The following NCOA2 variants were observed in gnomAD, a reference collection of about 807,000 sequenced individuals.
NCOA2 encodes nuclear receptor coactivator 2.
In NCOA2, 21 loss-of-function variants were observed where a neutral mutation model predicts 145.1. The ratio of observed to expected loss-of-function variants is 0.14; its 90% confidence interval spans 0.10 to 0.21. The LOEUF (loss-of-function observed/expected upper bound fraction) is 0.21. NCOA2 is among the 10% of genes least tolerant of loss of function. NCOA2 has a pLI of 1.00. For missense variants in NCOA2, 1,472 were observed against 1,837.6 expected, an observed-to-expected ratio of 0.80 and a Z score of 3.64; for synonymous variants, 619 against 637.5, an observed-to-expected ratio of 0.97 and a Z score of 0.44.
intron 1 of NCOA2, among the ~76,000 whole-genome samples, chr8:70,349,603 C>T (rs1180695446): frequency 6.6e-6 from 1 of 152,022 alleles, no homozygotes; most frequent in African/African-American, 2.4e-5. Flanking sequence ...TTTGAGTGGT[C>T]TCCAGTCACA....
rs78152250 is a variant in NCOA2 at position 70,172,117 on chromosome 8, C to T, written c.364-1738G>A. 8.4e-3 allele frequency among the ~76,000 whole-genome samples: 1,281 copies of T among 152,214 alleles called. 21 individuals are homozygous for T. Among genetic ancestry groups the T allele is most frequent in the Non-Finnish European group, 0.01 (696 of 68,016 alleles). On this transcript the variant is annotated intron_variant, in intron 5 of 22. Coordinates refer to ENST00000452400, the MANE Select transcript of NCOA2 (RefSeq NM_006540.4). ...GTGAAATTACAGGCATGAGCCAGTG[C>T]GCCAGTCTTTTTAAATTTTCTGTAG...
the NCOA2 span, among the ~76,000 whole-genome samples, chr8:70,439,836 C>T: frequency 6.6e-6 from 1 of 152,164 alleles, no homozygotes; most frequent in Non-Finnish European, 1.5e-5. Flanking sequence ...CAGGGCTGCC[C>T]CTGTCAGAGG....
intron 10 of NCOA2, among the ~76,000 whole-genome samples, chr8:70,159,240 A>ATTTTTTTTT (rs1342064441): frequency 3.2e-5 from 3 of 92,960 alleles, no homozygotes; most frequent in Admixed American, 1.1e-4. Flanking sequence ...ATATATATAT[A>ATTTTTTTTT]TATTTTTTTT....
intron 1 of NCOA2, among the ~76,000 whole-genome samples, chr8:70,379,549 C>A (rs1811997035): frequency 6.6e-6 from 1 of 152,162 alleles, no homozygotes; most frequent in South Asian, 2.1e-4. Flanking sequence ...CATGTTGTCA[C>A]TGACATTTTA....
At chr8:70,184,814 C>T (rs1018210085) in intron 4 of NCOA2, among the ~76,000 whole-genome samples, 4 of 152,188 alleles carry the variant, frequency 2.6e-5, no homozygotes, top group East Asian at 1.9e-4. Context: ...ACACCCAGGC[C>T]GCTGCTTCAC....
At chr8:70,363,737 G>C (rs984740548) in intron 1 of NCOA2, among the ~76,000 whole-genome samples, 1 of 152,144 alleles carries the variant, frequency 6.6e-6, no homozygotes, top group Non-Finnish European at 1.5e-5. Context: ...AGGAACTGAG[G>C]GTAGGGTTGG....
the NCOA2 span, among the ~76,000 whole-genome samples, chr8:70,433,600 T>C: frequency 2.4e-4 from 36 of 152,328 alleles, no homozygotes; most frequent in Non-Finnish European, 4.9e-4. Flanking sequence ...CTTTATGCAA[T>C]GCCGCTACTG....
intron 13 of NCOA2, among the ~76,000 whole-genome samples, chr8:70,143,958 G>A (rs1017676505): frequency 3.3e-5 from 5 of 152,170 alleles, no homozygotes; most frequent in East Asian, 3.8e-4. Context: ...AACAGCAATC[G>A]GTGCTACTGC....
chr8:70,195,320 T>A (rs985583628), intron 4 of NCOA2, among the ~76,000 whole-genome samples: 1 of 152,214 alleles, frequency 6.6e-6, no homozygotes, highest in African/African-American at 2.4e-5. Context: ...AATATTTACA[T>A]AGAATGAGAA....
the NCOA2 span, among the ~76,000 whole-genome samples, chr8:70,434,468 A>C: frequency 6.6e-6 from 1 of 152,214 alleles, no homozygotes; most frequent in Non-Finnish European, 1.5e-5. Flanking sequence ...GCTCTCTGAG[A>C]AAAGAAAAAA....
chr8:70,443,979 A>T, the NCOA2 span, among the ~76,000 whole-genome samples: 1 of 152,236 alleles, frequency 6.6e-6, no homozygotes, highest in South Asian at 2.1e-4. Flanking sequence ...GTGCTTGCAC[A>T]CACACACACG....
chr8:70,277,522 C>A (rs1318609572), intron 2 of NCOA2, among the ~76,000 whole-genome samples: 2 of 152,212 alleles, frequency 1.3e-5, no homozygotes, highest in African/African-American at 2.4e-5. Context: ...AAAATAAAAT[C>A]TTTGCTAAAG....
At chr8:70,421,695 G>A in the NCOA2 span, among the ~76,000 whole-genome samples, 9 of 152,128 alleles carry the variant, frequency 5.9e-5, no homozygotes, top group African/African-American at 2.2e-4. Context: ...TAAACTTGAA[G>A]CTTGAAGTTC....
At chr8:70,131,608 C>T (rs1809111075) in intron 16 of NCOA2, among the ~76,000 whole-genome samples, 1 of 152,122 alleles carries the variant, frequency 6.6e-6, no homozygotes, top group South Asian at 2.1e-4. Flanking sequence ...TTTCTGCTAA[C>T]TTGAACTGTA....
intron 4 of NCOA2, among the ~76,000 whole-genome samples, chr8:70,205,746 G>A (rs550999575): frequency 1.3e-5 from 2 of 152,258 alleles, no homozygotes; most frequent in East Asian, 3.9e-4. Flanking sequence ...TGGCAGGACT[G>A]GAGACAAATC....
chr8:70,182,086 A>G (rs1041078894), intron 4 of NCOA2, among the ~76,000 whole-genome samples: 4 of 152,262 alleles, frequency 2.6e-5, no homozygotes, highest in African/African-American at 9.6e-5. Flanking sequence ...TTCTGCTAAC[A>G]TAAAAACACA....
intron 9 of NCOA2, among the ~76,000 whole-genome samples, chr8:70,160,678 A>AGAGAGAGAGAGAGG (rs1421486002): frequency 6.9e-6 from 1 of 145,382 alleles, no homozygotes; most frequent in Non-Finnish European, 1.5e-5. Flanking sequence ...AGAGAGAGAG[A>AGAGAGAGAGAGAGG]GAGGGAGAGA....
At position 70,356,665 on chromosome 8, in the gene NCOA2, C is replaced by T. The variant is rs928204922; in HGVS notation, c.-77+47035G>A. 3.3e-5 allele frequency among the ~76,000 whole-genome samples: 5 copies of T among 152,198 alleles called. No homozygotes were observed. The East Asian group carries it at 5.8e-4, about 18-fold the overall frequency. ...ACTGAACATCCCTAAAAGCAGAACG[C>T]TTTTCCTATTAGTTGACTGCTACCC... is the stretch of plus-strand genomic sequence containing the variant. On this transcript the variant is annotated intron_variant, in intron 1 of 22. Coordinates refer to ENST00000452400, the MANE Select transcript of NCOA2 (RefSeq NM_006540.4).
intron 1 of NCOA2, among the ~76,000 whole-genome samples, chr8:70,365,187 A>G (rs539332304): frequency 1.3e-5 from 2 of 152,202 alleles, no homozygotes; most frequent in South Asian, 4.1e-4. Flanking sequence ...TACAAAAATT[A>G]GTTGGGCATG....
Sources: gnomAD v4.1 joint callset for allele counts (sites outside exome capture counted in the v4.1 genomes callset) on GRCh38, gnomAD v4.1.1 for gene constraint, MANE v1.5 for transcripts, NCBI Gene and HGNC (gene_info 2026-07-23, HGNC 2026-07-21) for gene names.